The following ALMS1 variants were observed in gnomAD, a reference collection of about 807,000 sequenced individuals.
ALMS1 encodes centrosome-associated protein ALMS1.
ALMS1 carries 271 observed loss-of-function variants against 352.2 expected under a neutral mutation model. That is an observed-to-expected ratio of 0.77 (90% CI 0.70 to 0.85). The LOEUF is 0.85. Among genes scored for constraint, ALMS1 ranks in the 40% least tolerant of loss-of-function variants. The pLI is 0.00. For missense variants in ALMS1, 5,445 were observed against 4,870.7 expected (o/e 1.12, Z -3.51); for synonymous variants, 1,865 against 1,761.2 (o/e 1.06, Z -1.48).
chr2:73,480,390 A>G (rs1262029822), intron 9 of ALMS1, among the ~76,000 whole-genome samples: 1 of 152,090 alleles, frequency 6.6e-6, no homozygotes, highest in Non-Finnish European at 1.5e-5. Flanking sequence ...CCATGTCCCT[A>G]CAAAGGACAT....
chr2:73,559,658 A>G (rs1674617553), intron 15 of ALMS1, among the ~76,000 whole-genome samples: 1 of 152,212 alleles, frequency 6.6e-6, no homozygotes, highest in Non-Finnish European at 1.5e-5. Flanking sequence ...ATAAGGAGAG[A>G]AAAGAGTCAA....
intron 11 of ALMS1, among the ~76,000 whole-genome samples, chr2:73,520,490 A>T (rs1344385812): frequency 2.6e-5 from 4 of 152,244 alleles, no homozygotes; most frequent in Admixed American, 6.5e-5. Flanking sequence ...TTATAAAGCA[A>T]TCACCAGAGA....
chr2:73,583,981 A>C (rs989788069), intron 16 of ALMS1, among the ~76,000 whole-genome samples: 7 of 152,114 alleles, frequency 4.6e-5, no homozygotes, highest in African/African-American at 1.7e-4. Flanking sequence ...TATCATTTTT[A>C]ATGATTTCTT....
At chr2:73,480,628 C>T (rs1363764884) in intron 9 of ALMS1, among the ~76,000 whole-genome samples, 3 of 151,234 alleles carry the variant, frequency 2.0e-5, no homozygotes, top group African/African-American at 7.3e-5. Flanking sequence ...ATTTCTAGTT[C>T]TAGATCCCTG....
intron 10 of ALMS1, among the ~76,000 whole-genome samples, chr2:73,499,916 C>T (rs548148253): frequency 6.6e-6 from 1 of 152,170 alleles, no homozygotes; most frequent in Non-Finnish European, 1.5e-5. Flanking sequence ...TGGGCTCTCC[C>T]CTTACACTTC....
rs920237759 is a variant in ALMS1 at position 73,452,748 on chromosome 2, T to G, written c.6221T>G (p.Ile2074Ser). Residue 2074 changes from isoleucine (I) to serine (S), a missense_variant, in exon 8 of 23, where the codon ATT (isoleucine) becomes AGT (serine). By Grantham distance (142) the Ile-to-Ser change is moderately radical. Coordinates refer to ENST00000613296, the MANE Select transcript of ALMS1 (RefSeq NM_001378454.1). ...GATCAAAGTAAAGGTATTCTAAAGA[T>G]TTCAGCTGTCCCTGAACTAACTGAT... ...DRDQSKGILK[I>S]SAVPELTDVN... 35 of 1,613,312 alleles carry G rather than the reference T, an allele frequency of 2.2e-5. No individual in the cohort carries two copies. The highest frequency in any genetic ancestry group is 2.9e-5 in the Non-Finnish European group (34 of 1,179,910).
At chr2:73,542,607 A>G (rs1042220931) in intron 12 of ALMS1, among the ~76,000 whole-genome samples, 5 of 152,224 alleles carry the variant, frequency 3.3e-5, no homozygotes, top group African/African-American at 1.2e-4. Flanking sequence ...TTGTATATCT[A>G]GAAAACCCCA....
intron 11 of ALMS1, among the ~76,000 whole-genome samples, chr2:73,528,362 C>T (rs370364009): frequency 1.3e-5 from 2 of 152,170 alleles, no homozygotes; most frequent in African/African-American, 4.8e-5. Flanking sequence ...TTCTATCTCT[C>T]TCTTTAGCTG....
At chr2:73,491,742 TTGAA>T (rs760917334) in intron 10 of ALMS1, among the ~76,000 whole-genome samples, 13 of 152,194 alleles carry the variant, frequency 8.5e-5, no homozygotes, top group Admixed American at 1.3e-4. Flanking sequence ...TTTTTAAAAA[TTGAA>T]TGACCTTGAA....
chr2:73,449,288 A>G lies in ALMS1; in HGVS notation c.2761A>G (p.Thr921Ala), dbSNP rs984516944. 2 of 1,613,544 alleles carry G rather than the reference A, an allele frequency of 1.2e-6. No homozygotes were observed. Among genetic ancestry groups the G allele is most frequent in the Non-Finnish European group, 1.7e-6 (2 of 1,179,862 alleles). The change falls in exon 8 of 23, where the codon ACC (threonine) becomes GCC (alanine). Residue 921 changes from threonine to alanine, a missense_variant. Transcript: ENST00000613296. ...REKPIIFSQQ[T>A]LPDFLFPEEA... is the part of the protein sequence containing the mutation. ...GAAGCCCATTATTTTTTCCCAGCAG[A>G]CCCTGCCAGACTTTCTTTTCCCTGA...
At chr2:73,468,978 CTTAGA>C (rs2103836824) in intron 9 of ALMS1, among the ~76,000 whole-genome samples, 1 of 151,966 alleles carries the variant, frequency 6.6e-6, no homozygotes, top group African/African-American at 2.4e-5. Context: ...AGGAAACTCT[CTTAGA>C]TTGCTTGTCA....
chr2:73,448,866 A>G lies in ALMS1; in HGVS notation c.2339A>G (p.Asp780Gly), dbSNP rs756716132. The G allele has an allele frequency of 6.2e-7, 1 of 1,613,942 alleles. No homozygotes were observed. The highest frequency in any genetic ancestry group is 8.5e-7 in the Non-Finnish European group (1 of 1,179,948). ...ATTTTGTACCCACAGGACTTAGCAG[A>G]CAGTCATCTACCTGAAGAGGGTCTG... ...PSILYPQDLA[D>G]SHLPEEGLKV... Residue 780 changes from aspartate to glycine, a missense_variant, in exon 8 of 23, where the codon GAC becomes GGC. Transcript: ENST00000613296.
At chr2:73,543,732 A>G (rs1394656591) in intron 12 of ALMS1, among the ~76,000 whole-genome samples, 1 of 152,240 alleles carries the variant, frequency 6.6e-6, no homozygotes, top group Non-Finnish European at 1.5e-5. Context: ...TTCTCAAAAG[A>G]AGACATTTAT....
At chr2:73,393,338 C>T (rs1341549791) in intron 1 of ALMS1, among the ~76,000 whole-genome samples, 3 of 150,766 alleles carry the variant, frequency 2.0e-5, no homozygotes, top group African/African-American at 4.9e-5. Flanking sequence ...TTTTTGTATA[C>T]GATATGAAGA....
At chr2:73,423,465 G>GTCATATCT (rs1671321062) in intron 4 of ALMS1, among the ~76,000 whole-genome samples, 1 of 152,134 alleles carries the variant, frequency 6.6e-6, no homozygotes, top group Admixed American at 6.5e-5. Flanking sequence ...ATATCCAAAT[G>GTCATATCT]AACAGATACT....
At chr2:73,475,122 T>TA (rs1204660505) in intron 9 of ALMS1, among the ~76,000 whole-genome samples, 1 of 152,186 alleles carries the variant, frequency 6.6e-6, no homozygotes, top group Non-Finnish European at 1.5e-5. Flanking sequence ...ATTGTATAGA[T>TA]ACTTTGTTTA....
chr2:73,449,613 T>C lies in ALMS1; in HGVS notation c.3086T>C (p.Val1029Ala). ...DSYATEKALKVSTGPGPADQK... is the reference protein window; with the variant it reads ...DSYATEKALKASTGPGPADQK... ...TATGCAACTGAAAAGGCTCTGAAAG[T>C]TTCAACTGGCCCTGGACCAGCTGAC... Residue 1029 changes from valine to alanine, a missense_variant, in exon 8 of 23, where the codon GTT becomes GCT. By Grantham distance (64) the Val-to-Ala change is moderately conservative (BLOSUM62 0). Coordinates refer to ENST00000613296, the MANE Select transcript of ALMS1 (RefSeq NM_001378454.1). 6.2e-6 allele frequency: 10 copies of C among 1,614,040 alleles called. No homozygotes were observed. The highest frequency in any genetic ancestry group is 8.5e-6 in the Non-Finnish European group (10 of 1,179,966).
chr2:73,542,363 A>G (rs1483229257), intron 12 of ALMS1, among the ~76,000 whole-genome samples: 2 of 152,198 alleles, frequency 1.3e-5, no homozygotes, highest in African/African-American at 2.4e-5. Flanking sequence ...TTGATGGGAC[A>G]TATCTCAAAA....
At chr2:73,439,031 C>CT (rs1345234199) in intron 7 of ALMS1, among the ~76,000 whole-genome samples, 1 of 148,576 alleles carries the variant, frequency 6.7e-6, no homozygotes. Context: ...TTTTTTTCTT[C>CT]TTTTTTCTTC....
Sources: gnomAD v4.1 joint callset for allele counts (sites outside exome capture counted in the v4.1 genomes callset) on GRCh38, gnomAD v4.1.1 for gene constraint, MANE v1.5 for transcripts, NCBI Gene and HGNC (gene_info 2026-07-23, HGNC 2026-07-21) for gene names.